DNAH6: variants seen among roughly 807,000 people sequenced by gnomAD.
DNAH6 encodes axonemal beta dynein heavy chain 6.
A neutral mutation model predicts 491.4 loss-of-function variants in DNAH6; 340 were observed. The ratio of observed to expected loss-of-function variants is 0.69; its 90% CI spans 0.63 to 0.76. The LOEUF (loss-of-function observed/expected upper bound fraction) is 0.76, where lower values mean the gene tolerates loss of function less well. Among genes scored for constraint, DNAH6 ranks in the 30% least tolerant of loss-of-function variants. The pLI, the probability that DNAH6 is intolerant of heterozygous loss-of-function variation, is 0.00. For missense variants in DNAH6, 4,443 were observed against 4,972.2 expected (o/e 0.89, Z 3.20); for synonymous variants, 1,603 against 1,686.1 (o/e 0.95, Z 1.21).
chr2:84,468,502 T>C, the DNAH6 span, among the ~76,000 whole-genome samples: 1 of 152,212 alleles, frequency 6.6e-6, no homozygotes, highest in African/African-American at 2.4e-5. Context: ...TTAGAATTTC[T>C]TATGCCAAAT....
intron 53 of DNAH6, 23 bp from the exon 54 acceptor site, chr2:84,707,497 T>G (rs1223952248): frequency 3.5e-5 from 54 of 1,527,034 alleles, no homozygotes; most frequent in Non-Finnish European, 4.6e-5. Context: ...TAGTATAATC[T>G]GATTTTCTTA....
the DNAH6 span, among the ~76,000 whole-genome samples, chr2:84,508,837 T>C: frequency 6.6e-6 from 1 of 152,252 alleles, no homozygotes; most frequent in South Asian, 2.1e-4. Flanking sequence ...CAGTAAGTCA[T>C]TCAGGAGCAG....
At chr2:84,743,827 G>A (rs941712332) in intron 62 of DNAH6, among the ~76,000 whole-genome samples, 27 of 152,196 alleles carry the variant, frequency 1.8e-4, no homozygotes, top group African/African-American at 5.8e-4. Context: ...GTCTCCAAAT[G>A]AATAAATAAA....
chr2:84,489,237 G>T, the DNAH6 span, among the ~76,000 whole-genome samples: 1 of 152,132 alleles, frequency 6.6e-6, no homozygotes, highest in African/African-American at 2.4e-5. Context: ...ATTGCTACCT[G>T]GGGCACATTG....
At chr2:84,686,850 A>C (rs1397518510) in intron 44 of DNAH6, among the ~76,000 whole-genome samples, 2 of 152,182 alleles carry the variant, frequency 1.3e-5, no homozygotes, top group Non-Finnish European at 2.9e-5. Context: ...GCAAAGCCTA[A>C]AATATTTACT....
the DNAH6 span, among the ~76,000 whole-genome samples, chr2:84,498,887 C>T: frequency 1.3e-5 from 2 of 152,096 alleles, no homozygotes; most frequent in Non-Finnish European, 2.9e-5. Context: ...AAGAGAGGCA[C>T]ACATCCATTT....
chr2:84,565,798 T>A (rs1357357105), intron 11 of DNAH6, among the ~76,000 whole-genome samples: 1 of 151,986 alleles, frequency 6.6e-6, no homozygotes, highest in African/African-American at 2.4e-5. Flanking sequence ...TGTGTATATA[T>A]TTAGAATAGC....
chr2:84,512,241 A>G (rs190618945), upstream of DNAH6, among the ~76,000 whole-genome samples: 8 of 152,286 alleles, frequency 5.3e-5, no homozygotes, highest in East Asian at 3.9e-4. Context: ...ACAAAGAGTT[A>G]TTTCTTACAG....
intron 5 of DNAH6, among the ~76,000 whole-genome samples, chr2:84,545,685 C>T (rs1488479100): frequency 1.3e-5 from 2 of 152,026 alleles, no homozygotes; most frequent in African/African-American, 4.8e-5. Flanking sequence ...AAGGATTGGC[C>T]TAAATAACAG....
intron 64 of DNAH6, among the ~76,000 whole-genome samples, chr2:84,771,152 G>A (rs1239574558): frequency 6.6e-6 from 1 of 152,118 alleles, no homozygotes; most frequent in Admixed American, 6.6e-5. Context: ...GCCGGGTGTA[G>A]TGGTGTATGC....
chr2:84,807,961 A>G (rs995642606), intron 71 of DNAH6, among the ~76,000 whole-genome samples: 4 of 152,174 alleles, frequency 2.6e-5, no homozygotes, highest in African/African-American at 9.7e-5. Flanking sequence ...TAGCACAGCC[A>G]GTCTTTCTAT....
At chr2:84,513,567 A>G (rs890866599), upstream of DNAH6, among the ~76,000 whole-genome samples, 2 of 152,046 alleles carry the variant, frequency 1.3e-5, no homozygotes, top group South Asian at 2.1e-4. Context: ...TATGTATTCT[A>G]TATTTAAGAG....
intron 45 of DNAH6, among the ~76,000 whole-genome samples, chr2:84,692,322 C>A (rs1694935232): frequency 2.0e-5 from 3 of 151,914 alleles, no homozygotes; most frequent in Non-Finnish European, 4.4e-5. Context: ...GTTACAGTGA[C>A]CATGTGATGT....
chr2:84,568,311 GAATC>G (rs1374041568), intron 11 of DNAH6, among the ~76,000 whole-genome samples: 2 of 152,032 alleles, frequency 1.3e-5, no homozygotes, highest in African/African-American at 4.8e-5. Context: ...CAAAGACATG[GAATC>G]AATCCAAATG....
At chr2:84,551,979 T>C (rs6707496) in intron 9 of DNAH6, among the ~76,000 whole-genome samples, 139,156 of 151,010 alleles carry the variant, frequency 0.92, 64,308 homozygotes, top group East Asian at 1. Context: ...ACCCAGGAGA[T>C]GGAGGTTGCA....
At chr2:84,638,007 A>T (rs1437460900) in intron 31 of DNAH6, among the ~76,000 whole-genome samples, 1 of 152,058 alleles carries the variant, frequency 6.6e-6, no homozygotes, top group Non-Finnish European at 1.5e-5. Flanking sequence ...AAGTGGGAGG[A>T]TCGCTTGAGT....
At chr2:84,547,735 G>A (rs773346429) in intron 7 of DNAH6, 123 bp downstream of exon 7, 1 of 1,021,248 alleles carries the variant, frequency 9.8e-7, no homozygotes, top group Non-Finnish European at 1.4e-6. Flanking sequence ...CCAAACATTT[G>A]ATGGATATTA....
intron 35 of DNAH6, among the ~76,000 whole-genome samples, chr2:84,656,036 A>G (rs1573378263): frequency 1.3e-5 from 2 of 152,098 alleles, no homozygotes; most frequent in Admixed American, 1.3e-4. Context: ...AGAATGTTAT[A>G]CAGTTGAAAT....
chr2:84,534,636 G>A (rs1235337827), intron 4 of DNAH6, among the ~76,000 whole-genome samples: 1 of 151,316 alleles, frequency 6.6e-6, no homozygotes, highest in Non-Finnish European at 1.5e-5. Flanking sequence ...ACAATATTAG[G>A]TGTTCCTAAA....
Sources: allele counts gnomAD v4.1 joint callset (sites outside exome capture counted in the v4.1 genomes callset), GRCh38; gene constraint gnomAD v4.1.1; transcripts MANE v1.5; gene names NCBI Gene and HGNC (gene_info 2026-07-23, HGNC 2026-07-21).